Variants in IQCB1 observed in about 807,000 individuals in gnomAD.
The protein encoded by IQCB1 is IQ calmodulin-binding motif-containing protein 1.
A neutral mutation model predicts 84.4 loss-of-function variants in IQCB1; 56 were observed. That is an observed-to-expected ratio of 0.66 (90% CI 0.54 to 0.83). The LOEUF (loss-of-function observed/expected upper bound fraction) is 0.83. Among genes scored for constraint, IQCB1 ranks in the 40% least tolerant of loss-of-function variants. The pLI is 0.00. For missense variants in IQCB1, 629 were observed against 682.1 expected (o/e 0.92, Z 0.87); for synonymous variants, 210 against 234.8 (o/e 0.89, Z 0.96).
intron 5 of IQCB1, among the ~76,000 whole-genome samples, chr3:121,825,843 A>G (rs1283449932): frequency 6.6e-6 from 1 of 152,236 alleles, no homozygotes; most frequent in Admixed American, 6.5e-5. Flanking sequence ...AGCAAGGCAG[A>G]TCCTTCAAAA....
At position 121,828,617 on chromosome 3, in the gene IQCB1, G is replaced by A; in HGVS notation, c.116C>T (p.Thr39Ile). ...LLKLKEIINI[T>I]PLGSSELKKI... ...CTTCAACTCTGAGCTTCCTAAAGGT[G>A]TGATGTTTATTATTTCTAAGGCAAA... The change falls in exon 4 of 15, where the codon ACA becomes ATA. Residue 39 changes from threonine to isoleucine, a missense_variant. Coordinates refer to ENST00000310864, the MANE Select transcript of IQCB1 (RefSeq NM_001023570.4). 1 of 1,597,898 alleles carries A rather than the reference G, an allele frequency of 6.3e-7. No homozygotes were observed. The highest frequency in any genetic ancestry group is 8.6e-7 in the Non-Finnish European group (1 of 1,165,698).
chr3:121,819,158 A>C (rs898856676), intron 5 of IQCB1, among the ~76,000 whole-genome samples: 1 of 152,198 alleles, frequency 6.6e-6, no homozygotes, highest in Non-Finnish European at 1.5e-5. Flanking sequence ...ATAATGAAAT[A>C]ATTATACAAC....
intron 5 of IQCB1, among the ~76,000 whole-genome samples, chr3:121,811,119 G>A (rs1313447432): frequency 2.0e-5 from 3 of 152,124 alleles, no homozygotes; most frequent in Non-Finnish European, 4.4e-5. Flanking sequence ...TAGACAATGG[G>A]CGCAGCCCAC....
intron 13 of IQCB1, among the ~76,000 whole-genome samples, chr3:121,776,279 T>C (rs548754691): frequency 6.6e-6 from 1 of 152,218 alleles, no homozygotes; most frequent in South Asian, 2.1e-4. Flanking sequence ...ACATGCTGAA[T>C]GGTACTCCAT....
chr3:121,822,947 G>C (rs1268412968), intron 5 of IQCB1, among the ~76,000 whole-genome samples: 3 of 152,110 alleles, frequency 2.0e-5, no homozygotes, highest in African/African-American at 7.2e-5. Flanking sequence ...CAGATAATTT[G>C]ACCCAGAGAA....
Position 121,770,249 on chromosome 3 carries a change from A to AT in IQCB1, c.*95dup. 1.3e-6 allele frequency: 1 copy of AT among 795,478 alleles called. No individual in the cohort carries two copies. 49.3% of individuals were successfully genotyped at this position (795,478 alleles called of 1,614,324 possible). A position where few individuals can be genotyped will look rare whatever the true frequency, so the allele number is the denominator to read the frequency against. ...TCTGGAGGAGAACCTCTGGAAAATAATAAGTTAGGATGGCCCTAGTCTACC... is the reference window on the plus strand; with the variant it reads ...TCTGGAGGAGAACCTCTGGAAAATAATTAAGTTAGGATGGCCCTAGTCTACC... On this transcript the variant is annotated 3_prime_UTR_variant, in exon 15 of 15. Transcript: ENST00000310864.
Position 121,770,290 on chromosome 3 carries a change from G to C in IQCB1, c.*55C>G, listed in dbSNP as rs1413089880. On this transcript the variant is annotated 3_prime_UTR_variant, in exon 15 of 15. Transcript: ENST00000310864. ...CTAGTCTACCAGCATGCCAGAGGCA[G>C]AACCAATATAATCTCCTAAAATATG... 1 of 1,244,464 alleles carries C rather than the reference G, an allele frequency of 8.0e-7. No individual in the cohort carries two copies. Among genetic ancestry groups the C allele is most frequent in the African/African-American group, 1.5e-5 (1 of 67,868 alleles). The allele number at this position is 1,244,464 out of a possible 1,614,324, so 77.1% of individuals were successfully genotyped here.
intron 5 of IQCB1, among the ~76,000 whole-genome samples, chr3:121,819,897 AT>A (rs1489356544): frequency 2.6e-4 from 39 of 152,084 alleles, no homozygotes; most frequent in Admixed American, 2.4e-3. Flanking sequence ...TATATAAAAA[AT>A]TTTTGGTATT....
rs1322968657 is a variant in IQCB1, at chr3:121,835,038, C to T, written c.-174G>A. On this transcript the variant is annotated 5_prime_UTR_variant, in exon 1 of 15. Transcript: ENST00000310864. ...GCCGCACTACAGCGCCGCGGCCTTCCGGGGCAGCGTGCGTCGCGACGCGGG... is the reference window on the plus strand; with the variant it reads ...GCCGCACTACAGCGCCGCGGCCTTCTGGGGCAGCGTGCGTCGCGACGCGGG... The T allele has an allele frequency of 1.1e-5, 6 of 571,022 alleles. No individual in the cohort carries two copies. Among genetic ancestry groups the T allele is most frequent in the Non-Finnish European group, 9.4e-6 (3 of 318,312 alleles). 35.4% of individuals were successfully genotyped at this position (571,022 alleles called of 1,614,324 possible).
At chr3:121,775,825 C>T (rs1195556525) in intron 13 of IQCB1, among the ~76,000 whole-genome samples, 1 of 152,136 alleles carries the variant, frequency 6.6e-6, no homozygotes, top group Non-Finnish European at 1.5e-5. Context: ...TTGACATACA[C>T]ATACCTAGTT....
At chr3:121,788,799 C>T (rs568142188) in intron 11 of IQCB1, among the ~76,000 whole-genome samples, 12 of 151,844 alleles carry the variant, frequency 7.9e-5, no homozygotes, top group Non-Finnish European at 1.2e-4. Context: ...CTCTACTCTA[C>T]ATGCTTCCAA....
intron 5 of IQCB1, among the ~76,000 whole-genome samples, chr3:121,821,555 T>C (rs1950275410): frequency 6.6e-6 from 1 of 152,182 alleles, no homozygotes; most frequent in Non-Finnish European, 1.5e-5. Flanking sequence ...TTAGGCATTA[T>C]AGTCTCTAGA....
rs182706555 is a variant in IQCB1 at position 121,824,530 on chromosome 3, A to G, written c.393+1521T>C. 2.8e-3 allele frequency among the ~76,000 whole-genome samples: 420 copies of G among 152,264 alleles called. 1 individual carries two copies. The highest frequency in any genetic ancestry group is 5.1e-3 in the Non-Finnish European group (345 of 68,006). Reference sequence around the variant, plus strand: ...GAAAACTGGAGTGGCAATATTCGTAATAGTAAACAAAGTAGACTTCAAGAT... The same window carrying G: ...GAAAACTGGAGTGGCAATATTCGTAGTAGTAAACAAAGTAGACTTCAAGAT... On this transcript the variant is annotated intron_variant, in intron 5 of 14. Coordinates refer to ENST00000310864, the MANE Select transcript of IQCB1 (RefSeq NM_001023570.4).
chr3:121,770,724 C>T (rs1947944366), intron 14 of IQCB1, 150 bp from the exon 15 acceptor site: 1 of 716,030 alleles, frequency 1.4e-6, no homozygotes, highest in Non-Finnish European at 2.5e-6. Flanking sequence ...GCTCTATTGC[C>T]TAAGCTGGAG....
chr3:121,788,147 T>C, intron 12 of IQCB1, 137 bp downstream of exon 12: 1 of 859,886 alleles, frequency 1.2e-6, no homozygotes. Context: ...GGGTTTTTCT[T>C]TTACAAAAGA....
intron 5 of IQCB1, among the ~76,000 whole-genome samples, chr3:121,813,538 C>T (rs750780884): frequency 3.3e-5 from 5 of 152,026 alleles, no homozygotes; most frequent in Non-Finnish European, 7.4e-5. Flanking sequence ...ATCTCACATG[C>T]AAATACACAC....
At chr3:121,791,806 T>A (rs969341354) in intron 10 of IQCB1, among the ~76,000 whole-genome samples, 1 of 152,208 alleles carries the variant, frequency 6.6e-6, no homozygotes, top group African/African-American at 2.4e-5. Flanking sequence ...AAACTACCTC[T>A]GTGGCCGGGC....
chr3:121,778,052 C>T (rs1452919793), intron 13 of IQCB1, among the ~76,000 whole-genome samples: 3 of 152,022 alleles, frequency 2.0e-5, no homozygotes, highest in African/African-American at 7.2e-5. Context: ...GGACCACAGA[C>T]AGGCATCAAC....
Position 121,795,641 on chromosome 3 carries a change from TATC to T in IQCB1, c.877-78_877-76del, listed in dbSNP as rs1949157805. 4.8e-6 allele frequency: 4 copies of T among 842,010 alleles called. No individual in the cohort carries two copies. The African/African-American group carries it at 5.1e-5, about 11-fold the overall frequency. 52.2% of individuals were successfully genotyped at this position (842,010 alleles called of 1,614,324 possible). On this transcript the variant is annotated intron_variant, in intron 9 of 14. Coordinates refer to ENST00000310864, the MANE Select transcript of IQCB1 (RefSeq NM_001023570.4). ...AAAAAAAAAAGTTTACCTCTTAAAG[TATC>T]AGGTTAGGGCAAATATTAATCTCTA...
Sources: gnomAD v4.1 joint callset for allele counts (sites outside exome capture counted in the v4.1 genomes callset) on GRCh38, gnomAD v4.1.1 for gene constraint, MANE v1.5 for transcripts, NCBI Gene and HGNC (gene_info 2026-07-23, HGNC 2026-07-21) for gene names.